Variants in STK32B observed in about 807,000 individuals in gnomAD.
The protein encoded by STK32B is serine/threonine kinase 32B.
STK32B carries 43 observed loss-of-function variants against 52.6 expected under a neutral mutation model. The ratio of observed to expected loss-of-function variants is 0.82; its 90% CI spans 0.64 to 1.05. The LOEUF (loss-of-function observed/expected upper bound fraction) is 1.05, where lower values mean the gene tolerates loss of function less well. Among genes scored for constraint, STK32B ranks in the 50% least tolerant of loss-of-function variants. The pLI is 0.00. For missense variants in STK32B, 621 were observed against 534.6 expected (o/e 1.16, Z -1.59); for synonymous variants, 238 against 204.3 (o/e 1.17, Z -1.41).
intron 1 of STK32B, among the ~76,000 whole-genome samples, chr4:5,115,013 G>C (rs928510863): frequency 6.6e-6 from 1 of 152,158 alleles, no homozygotes; most frequent in Non-Finnish European, 1.5e-5. Flanking sequence ...CTCGACATGG[G>C]GGAGGGCCCC....
chr4:5,287,215 C>G (rs1728607888), intron 3 of STK32B, among the ~76,000 whole-genome samples: 1 of 152,192 alleles, frequency 6.6e-6, no homozygotes. Flanking sequence ...TACCAGTTTA[C>G]ATTCCAGTCA....
chr4:5,175,290 T>C (rs2108746087), intron 3 of STK32B, among the ~76,000 whole-genome samples: 1 of 152,336 alleles, frequency 6.6e-6, no homozygotes, highest in South Asian at 2.1e-4. Flanking sequence ...TCTGAAGCCT[T>C]CTTCTCTCAA....
chr4:5,318,670 C>G (rs1401410927), intron 3 of STK32B, among the ~76,000 whole-genome samples: 2 of 152,070 alleles, frequency 1.3e-5, no homozygotes, highest in Non-Finnish European at 2.9e-5. Context: ...AAAAGGTACA[C>G]AGGTATGAGA....
intron 1 of STK32B, among the ~76,000 whole-genome samples, chr4:5,086,376 T>A (rs1283127401): frequency 2.0e-5 from 3 of 152,122 alleles, no homozygotes; most frequent in Admixed American, 1.3e-4. Context: ...TCTAAGAGTT[T>A]AAGGAAATCT....
chr4:5,492,485 T>G (rs1719822534), intron 11 of STK32B, among the ~76,000 whole-genome samples: 1 of 152,026 alleles, frequency 6.6e-6, no homozygotes, highest in Admixed American at 6.6e-5. Flanking sequence ...GCTGAGACAA[T>G]GGGGTTTTCT....
chr4:5,456,391 G>A (rs1026592182), intron 7 of STK32B, among the ~76,000 whole-genome samples: 3 of 152,260 alleles, frequency 2.0e-5, no homozygotes, highest in Non-Finnish European at 4.4e-5. Flanking sequence ...GGCCCGGACA[G>A]GGAAAGTGGC....
intron 1 of STK32B, among the ~76,000 whole-genome samples, chr4:5,102,568 T>C (rs1713865117): frequency 6.8e-6 from 1 of 146,566 alleles, no homozygotes; most frequent in African/African-American, 2.5e-5. Context: ...CTTGCCCTCT[T>C]TCCCAGGCTG....
chr4:5,310,480 CAAT>C (rs996475489), intron 3 of STK32B, among the ~76,000 whole-genome samples: 1 of 152,080 alleles, frequency 6.6e-6, no homozygotes, highest in African/African-American at 2.4e-5. Context: ...ATCAAAACCA[CAAT>C]GAGAGATCAT....
chr4:5,312,318 A>T, intron 3 of STK32B, among the ~76,000 whole-genome samples: 1 of 150,750 alleles, frequency 6.6e-6, no homozygotes, highest in Non-Finnish European at 1.5e-5. Context: ...TTTAAGTTTT[A>T]GGGTACATGT....
chr4:5,044,957 C>G, the STK32B span, among the ~76,000 whole-genome samples: 1 of 152,174 alleles, frequency 6.6e-6, no homozygotes, highest in Non-Finnish European at 1.5e-5. Flanking sequence ...ATGTCCAGGA[C>G]TAGCCACTTC....
rs1482773043 is a variant in STK32B at position 5,453,235 on chromosome 4, G to GAT, written c.667-3571_667-3570insTA. Reference sequence around the variant, plus strand: ...ATTACAGAGATTAGGGAGAGAGAGAGAGAGAGAGAGTAGCTCATGTGGAGG... The same window carrying GAT: ...ATTACAGAGATTAGGGAGAGAGAGAGATAGAGAGAGAGTAGCTCATGTGGAGG... On this transcript the variant is annotated intron_variant, in intron 7 of 11. Coordinates refer to ENST00000282908, the MANE Select transcript of STK32B (RefSeq NM_018401.3). The surrounding 1 kb of genome is among the most constrained non-coding windows in gnomAD (Gnocchi z 4.0). Among the ~76,000 whole-genome samples the GAT allele has an allele frequency of 1.3e-5, 2 of 152,140 alleles. No homozygotes were observed. Among genetic ancestry groups the GAT allele is most frequent in the Non-Finnish European group, 2.9e-5 (2 of 68,030 alleles).
At chr4:5,440,511 C>T (rs1204411817) in intron 6 of STK32B, among the ~76,000 whole-genome samples, 1 of 152,240 alleles carries the variant, frequency 6.6e-6, no homozygotes, top group East Asian at 1.9e-4. Context: ...TGGGCTGAGA[C>T]AATGGGGTTT....
At chr4:5,249,748 C>T (rs191953148) in intron 3 of STK32B, among the ~76,000 whole-genome samples, 134 of 151,868 alleles carry the variant, frequency 8.8e-4, no homozygotes, top group African/African-American at 2.8e-3. Context: ...CAGTCTGGCT[C>T]TCTCTTAATT....
At chr4:5,149,704 A>G (rs1420897533) in intron 2 of STK32B, among the ~76,000 whole-genome samples, 4 of 151,844 alleles carry the variant, frequency 2.6e-5, no homozygotes, top group African/African-American at 9.7e-5. Context: ...ACAATGTTAT[A>G]GTTTTTGCTT....
rs190027817 is a variant in STK32B, at chr4:5,105,374, T to G, written c.53-34531T>G. ...GTTGAATAACTTTTTATATGATTAT[T>G]TGCATTTAGATATCCTCTTTAGCGA... On this transcript the variant is annotated intron_variant, in intron 1 of 11. Coordinates refer to ENST00000282908, the MANE Select transcript of STK32B (RefSeq NM_018401.3). 5.1e-3 allele frequency among the ~76,000 whole-genome samples: 781 copies of G among 152,314 alleles called. 9 individuals carry two copies. Among genetic ancestry groups the G allele is most frequent in the South Asian group, 0.011 (53 of 4,822 alleles).
intron 4 of STK32B, among the ~76,000 whole-genome samples, chr4:5,341,532 T>C (rs940959485): frequency 1.3e-5 from 2 of 152,232 alleles, no homozygotes; most frequent in Non-Finnish European, 2.9e-5. Flanking sequence ...CTTCCTGGCA[T>C]GTAATCCTAA....
intron 2 of STK32B, among the ~76,000 whole-genome samples, chr4:5,165,836 CTG>C (rs1718828222): frequency 6.6e-6 from 1 of 152,192 alleles, no homozygotes; most frequent in Admixed American, 6.5e-5. Flanking sequence ...AAATTTTACT[CTG>C]TGGAAAAAAC....
intron 3 of STK32B, among the ~76,000 whole-genome samples, chr4:5,188,616 C>G (rs1720930199): frequency 6.6e-6 from 1 of 152,198 alleles, no homozygotes; most frequent in Non-Finnish European, 1.5e-5. Flanking sequence ...TTGTAAGCTG[C>G]TCCCTACCTT....
At position 5,270,199 on chromosome 4, in the gene STK32B, G is replaced by A. The variant is rs188075948; in HGVS notation, c.261-61021G>A. On this transcript the variant is annotated intron_variant, in intron 3 of 11. Coordinates refer to ENST00000282908, the MANE Select transcript of STK32B (RefSeq NM_018401.3). ...TATATAAAGAGGAGTTTATTAAGGA[G>A]TATTGACTCACACGATTACAGGTGA... Among the ~76,000 whole-genome samples, 50 of 152,264 alleles carry A rather than the reference G, an allele frequency of 3.3e-4. 1 individual carries two copies. The East Asian group carries it at 8.3e-3, about 25-fold the overall frequency.
Sources: gnomAD v4.1 joint callset for allele counts (sites outside exome capture counted in the v4.1 genomes callset) on GRCh38, gnomAD v4.1.1 for gene constraint, Gnocchi (gnomAD v3.1) non-coding constraint, MANE v1.5 for transcripts, NCBI Gene and HGNC (gene_info 2026-07-23, HGNC 2026-07-21) for gene names.